DPP6: variants seen among roughly 807,000 people sequenced by gnomAD.
DPP6 encodes A-type potassium channel modulatory protein DPP6.
Under a neutral mutation model 122.6 loss-of-function variants are expected in DPP6, and 69 were observed. The ratio of observed to expected loss-of-function variants is 0.56; its 90% confidence interval spans 0.46 to 0.69. The LOEUF (loss-of-function observed/expected upper bound fraction) is 0.69. DPP6 is among the 30% of genes least tolerant of loss of function. DPP6 has a pLI of 0.00. For synonymous variants in DPP6, 418 were observed against 433.1 expected (o/e 0.97, Z 0.43); for missense variants, 928 against 1,116.9 (o/e 0.83, Z 2.41).
intron 8 of DPP6, among the ~76,000 whole-genome samples, chr7:154,751,565 G>T (rs1375731452): frequency 6.7e-6 from 1 of 149,374 alleles, no homozygotes; most frequent in East Asian, 2.0e-4. Flanking sequence ...AGCTGAGATC[G>T]TGCCACTGCA....
At position 154,782,997 on chromosome 7, in the gene DPP6, T is replaced by C. The variant is rs543475179; in HGVS notation, c.1136+10055T>C. ...CGGGGTTCCACCATGCTGGCCAGGCTGGTCTCGAACTCCCGACCTCAGGTG... is the reference window on the plus strand; with the variant it reads ...CGGGGTTCCACCATGCTGGCCAGGCCGGTCTCGAACTCCCGACCTCAGGTG... On this transcript the variant is annotated intron_variant, in intron 10 of 25. Transcript: ENST00000377770. Among the ~76,000 whole-genome samples, 10 of 152,244 alleles carry C rather than the reference T, an allele frequency of 6.6e-5. No homozygotes were observed. The South Asian group carries it at 1.5e-3, about 22-fold the overall frequency.
At chr7:153,955,507 C>A (rs6945130) in intron 1 of DPP6, among the ~76,000 whole-genome samples, 1 of 152,022 alleles carries the variant, frequency 6.6e-6, no homozygotes, top group Non-Finnish European at 1.5e-5. Context: ...GGTGCAATCT[C>A]GGCTCACTGC....
chr7:154,036,008 A>ATG (rs1563120382), intron 1 of DPP6, among the ~76,000 whole-genome samples: 3 of 10,100 alleles, frequency 3.0e-4, no homozygotes, highest in Non-Finnish European at 5.5e-4. Context: ...GGCCAGGATT[A>ATG]CGCGCGCGCG....
At chr7:154,470,289 CATT>C (rs1822147248) in intron 2 of DPP6, among the ~76,000 whole-genome samples, 1 of 152,180 alleles carries the variant, frequency 6.6e-6, no homozygotes, top group Non-Finnish European at 1.5e-5. Context: ...CCTTCCTCCT[CATT>C]ATGGTGGGGA....
chr7:154,863,938 C>T lies in DPP6; in HGVS notation c.1715-4057C>T, dbSNP rs1375464415. ...ACTAATGGCCTAGCCCTGGGGTAAG[C>T]GGACGGCAGCTGCAAGAGCACAGGG... is the stretch of plus-strand genomic sequence containing the variant. On this transcript the variant is annotated intron_variant, in intron 17 of 25. Transcript: ENST00000377770. The surrounding 1 kb of genome is among the most constrained non-coding windows in gnomAD (Gnocchi z 4.1). 6.6e-6 allele frequency among the ~76,000 whole-genome samples: 1 copy of T among 152,068 alleles called. No homozygotes were observed. Among genetic ancestry groups the T allele is most frequent in the Non-Finnish European group, 1.5e-5 (1 of 68,018 alleles).
At chr7:154,620,369 T>C (rs1834562455) in intron 5 of DPP6, among the ~76,000 whole-genome samples, 4 of 152,222 alleles carry the variant, frequency 2.6e-5, no homozygotes, top group Non-Finnish European at 4.4e-5. Flanking sequence ...CACATTAAAA[T>C]GTTAGGTCCT....
chr7:153,839,995 G>C, the DPP6 span, among the ~76,000 whole-genome samples: 2 of 152,120 alleles, frequency 1.3e-5, no homozygotes, highest in African/African-American at 4.8e-5. Flanking sequence ...GTGTGATTTT[G>C]GCTTTGTCCA....
chr7:154,438,681 C>A (rs1819112061), intron 1 of DPP6, among the ~76,000 whole-genome samples: 2 of 152,098 alleles, frequency 1.3e-5, no homozygotes, highest in South Asian at 4.2e-4. Context: ...CTCTTTGGTT[C>A]TGAACCTCTC....
At chr7:154,264,340 G>A (rs1474001634) in intron 1 of DPP6, among the ~76,000 whole-genome samples, 1 of 152,222 alleles carries the variant, frequency 6.6e-6, no homozygotes, top group Non-Finnish European at 1.5e-5. Context: ...AGCACACTCC[G>A]AGTTCTTTGT....
At chr7:154,619,225 C>T (rs914571091) in intron 5 of DPP6, among the ~76,000 whole-genome samples, 3 of 152,144 alleles carry the variant, frequency 2.0e-5, no homozygotes, top group Non-Finnish European at 2.9e-5. Flanking sequence ...CACATACCAT[C>T]GATTGGCACA....
intron 1 of DPP6, among the ~76,000 whole-genome samples, chr7:154,257,970 A>G (rs1177443506): frequency 6.6e-6 from 1 of 152,158 alleles, no homozygotes; most frequent in Non-Finnish European, 1.5e-5. Flanking sequence ...GTCCCCAAAT[A>G]TCAAAGGGCA....
rs186683167 is a variant in DPP6, at chr7:154,549,023, A to T, written c.552+8397A>T. On this transcript the variant is annotated intron_variant, in intron 4 of 25. Coordinates refer to ENST00000377770, the MANE Select transcript of DPP6 (RefSeq NM_130797.4). ...TAGGTTGTTTTGGGAGGGGCTTGAAAAGTTGTGGCTGGAAGGTCTGGGGAA... is the reference window on the plus strand; with the variant it reads ...TAGGTTGTTTTGGGAGGGGCTTGAATAGTTGTGGCTGGAAGGTCTGGGGAA... Among the ~76,000 whole-genome samples the T allele has an allele frequency of 1.2e-3, 183 of 152,282 alleles. 2 individuals are homozygous for T. In the East Asian group the frequency reaches 0.015, roughly 12 times the overall value.
At chr7:154,185,432 T>C (rs1476111684) in intron 1 of DPP6, among the ~76,000 whole-genome samples, 2 of 152,152 alleles carry the variant, frequency 1.3e-5, no homozygotes, top group Non-Finnish European at 2.9e-5. Flanking sequence ...TGGGTATCAA[T>C]ATCAGAGTCC....
intron 7 of DPP6, 69 bp downstream of exon 7, chr7:154,669,510 T>C: frequency 6.5e-7 from 1 of 1,539,784 alleles, no homozygotes; most frequent in Non-Finnish European, 8.7e-7. Context: ...GCTGAATGGA[T>C]CTCACTGTAC....
At chr7:153,837,524 C>G in the DPP6 span, among the ~76,000 whole-genome samples, 3 of 152,192 alleles carry the variant, frequency 2.0e-5, no homozygotes, top group Non-Finnish European at 4.4e-5. Context: ...TTGTGCCATG[C>G]TACCTTTCCA....
chr7:154,374,234 C>G (rs1038939755), intron 1 of DPP6, among the ~76,000 whole-genome samples: 1 of 152,106 alleles, frequency 6.6e-6, no homozygotes, highest in African/African-American at 2.4e-5. Context: ...TTCATGTTTA[C>G]GAGATTAGGA....
At chr7:154,071,743 A>C (rs1803134888) in intron 1 of DPP6, among the ~76,000 whole-genome samples, 1 of 152,220 alleles carries the variant, frequency 6.6e-6, no homozygotes, top group Admixed American at 6.5e-5. Flanking sequence ...CCCGTATTTT[A>C]TACTAAGCCT....
At chr7:154,226,138 G>T (rs142867377) in intron 1 of DPP6, among the ~76,000 whole-genome samples, 2 of 152,108 alleles carry the variant, frequency 1.3e-5, no homozygotes, top group African/African-American at 2.4e-5. Context: ...GAGGAACAGG[G>T]GAGGAGAAAC....
At chr7:153,936,944 C>T (rs1431343414) in intron 1 of DPP6, among the ~76,000 whole-genome samples, 2 of 152,330 alleles carry the variant, frequency 1.3e-5, no homozygotes, top group African/African-American at 4.8e-5. Flanking sequence ...AGTGGACTCA[C>T]CCACAACCAG....
Sources: gnomAD v4.1 joint callset for allele counts (sites outside exome capture counted in the v4.1 genomes callset) on GRCh38, gnomAD v4.1.1 for gene constraint, Gnocchi (gnomAD v3.1) non-coding constraint, MANE v1.5 for transcripts, NCBI Gene and HGNC (gene_info 2026-07-23, HGNC 2026-07-21) for gene names.